The following FMO5 variants were observed in gnomAD, a reference collection of about 807,000 sequenced individuals.
FMO5 encodes flavin containing dimethylaniline monoxygenase 5, also known as flavin-containing monooxygenase 5.
In FMO5, 51 loss-of-function variants were observed where a neutral mutation model predicts 43.6. The observed-to-expected ratio is 1.17, with a 90% CI of 0.93 to 1.48. The LOEUF is 1.48. FMO5 is among the 40% of genes most tolerant of loss of function. FMO5 has a pLI of 0.00. For missense variants in FMO5, 644 were observed against 643.0 expected (o/e 1.00, Z -0.02); for synonymous variants, 187 against 216.5 (o/e 0.86, Z 1.20).
chr1:147,209,299 G>C (rs1398271689), intron 5 of FMO5, among the ~76,000 whole-genome samples: 1 of 152,014 alleles, frequency 6.6e-6, no homozygotes, highest in Non-Finnish European at 1.5e-5. Context: ...TTAGCCAGGC[G>C]TGGTTGCAGG....
intron 2 of FMO5, among the ~76,000 whole-genome samples, chr1:147,216,852 G>A (rs1378016855): frequency 6.6e-6 from 1 of 152,200 alleles, no homozygotes. Context: ...TCAGAATTCA[G>A]ATGCTCATGC....
At chr1:147,188,345 G>A (rs6690541) in intron 8 of FMO5, among the ~76,000 whole-genome samples, 5,613 of 151,848 alleles carry the variant, frequency 0.037, 146 homozygotes, top group South Asian at 0.095. Context: ...GCAACATGGC[G>A]AAACCCCATC....
Position 147,213,412 on chromosome 1 carries a change from A to G in FMO5, c.383T>C (p.Val128Ala), listed in dbSNP as rs1553924223. 6.2e-7 allele frequency: 1 copy of G among 1,613,614 alleles called. No individual in the cohort carries two copies. The highest frequency in any genetic ancestry group is 1.1e-5 in the South Asian group (1 of 90,970). ...PDFATSGQWE[V>A]VTESEGKKEM... ...CTTTTTCCCTTCAGATTCAGTGACC[A>G]CTTCCCATTGGCCTGAAGTGGCAAA... Residue 128 changes from valine (V) to alanine (A), a missense_variant, in exon 4 of 9, where the codon GTG becomes GCG. Transcript: ENST00000254090.
chr1:147,188,161 A>G (rs1388794413), intron 8 of FMO5, among the ~76,000 whole-genome samples: 2 of 152,198 alleles, frequency 1.3e-5, no homozygotes, highest in Non-Finnish European at 2.9e-5. Flanking sequence ...TTCCCTTATG[A>G]ACAATATGTT....
chr1:147,204,710 C>A lies in FMO5; in HGVS notation c.831-3206G>T, dbSNP rs145070243. ...GCAGCAGGATGCTGTACTTCTAGTT[C>A]TCTTAAAATAGTCGCTGCATCATTT... On this transcript the variant is annotated intron_variant, in intron 6 of 8. Transcript: ENST00000254090. 403 of 1,525,670 alleles carry A rather than the reference C, an allele frequency of 2.6e-4. 2 individuals carry two copies. The East Asian group carries it at 8.7e-3, about 33-fold the overall frequency. The allele number at this position is 1,525,670 out of a possible 1,614,324, so 94.5% of individuals were successfully genotyped here.
At position 147,213,311 on chromosome 1, in the gene FMO5, G is replaced by A. The variant is rs1006691533; in HGVS notation, c.484C>T (p.Pro162Ser). ...TCCTTCCTGGTAAGCTGCTCACCAG[G>A]GAAGCTTTCCAGAGGTAGATGAGCA... Reference protein sequence around the residue: ...TNAHLPLESFPGIEKFKGQYF... With the variant: ...TNAHLPLESFSGIEKFKGQYF... Residue 162 changes from proline (P) to serine (S), a missense_variant, in exon 4 of 9, where the codon CCT becomes TCT. Transcript: ENST00000254090. The A allele has an allele frequency of 6.2e-7, 1 of 1,603,908 alleles. No homozygotes were observed. Among genetic ancestry groups the A allele is most frequent in the Admixed American group, 1.7e-5 (1 of 59,234 alleles).
At chr1:147,207,224 A>G (rs1486535814) in intron 6 of FMO5, among the ~76,000 whole-genome samples, 3 of 152,190 alleles carry the variant, frequency 2.0e-5, no homozygotes, top group Non-Finnish European at 2.9e-5. Flanking sequence ...AAATGGTTTC[A>G]GAAAAAAATG....
chr1:147,203,783 A>G (rs1659474807), intron 6 of FMO5: 9 of 1,544,546 alleles, frequency 5.8e-6, no homozygotes, highest in Non-Finnish European at 8.0e-6. Flanking sequence ...GTCATCCATC[A>G]GATTGTCTGT....
chr1:147,186,719 G>T lies in FMO5; in HGVS notation c.*181C>A. On this transcript the variant is annotated 3_prime_UTR_variant, in exon 9 of 9. Transcript: ENST00000254090. The stretch of plus-strand genomic sequence containing the variant: ...GACGGATCATGAGTGGAAGGGAGAT[G>T]AGTTAATACAAATGGAAAACAGGTT... 2 of 1,424,746 alleles carry T rather than the reference G, an allele frequency of 1.4e-6. No individual in the cohort carries two copies. The highest frequency in any genetic ancestry group is 1.6e-5 in the South Asian group (1 of 64,376). 88.3% of individuals were successfully genotyped at this position (1,424,746 alleles called of 1,614,324 possible).
intron 6 of FMO5, among the ~76,000 whole-genome samples, chr1:147,202,305 A>C (rs1283174314): frequency 8.4e-5 from 11 of 131,328 alleles, no homozygotes; most frequent in Admixed American, 7.7e-4. Flanking sequence ...CTTTCTAAAA[A>C]GCAGTTCTTT....
chr1:147,216,087 C>A, intron 2 of FMO5, 145 bp from the exon 3 acceptor site: 1 of 594,996 alleles, frequency 1.7e-6, no homozygotes, highest in Non-Finnish European at 2.9e-6. Flanking sequence ...TTATGTAGTC[C>A]CTTCCCCTTG....
intron 3 of FMO5, 124 bp downstream of exon 3, chr1:147,215,630 G>A (rs189594206): frequency 2.6e-5 from 17 of 648,508 alleles, no homozygotes; most frequent in Middle Eastern, 3.3e-4. Flanking sequence ...GTTTTTGCCT[G>A]GGTAGGATAA....
chr1:147,226,643 G>A (rs1664001808), upstream of FMO5, among the ~76,000 whole-genome samples: 1 of 152,144 alleles, frequency 6.6e-6, no homozygotes, highest in Non-Finnish European at 1.5e-5. Flanking sequence ...GGCATGGATT[G>A]TGGCTCATGC....
chr1:147,197,271 T>C (rs758409990), intron 7 of FMO5, among the ~76,000 whole-genome samples: 2 of 152,184 alleles, frequency 1.3e-5, no homozygotes, highest in African/African-American at 2.4e-5. Context: ...TAAATTCCTA[T>C]GTAGTTGTAG....
intron 3 of FMO5, 96 bp downstream of exon 3, chr1:147,215,658 G>T: frequency 1.1e-6 from 1 of 882,912 alleles, no homozygotes; most frequent in Non-Finnish European, 1.8e-6. Context: ...TGCAAATCAA[G>T]CCAATCTTTA....
At chr1:147,211,386 A>G (rs1348772117) in intron 5 of FMO5, 2 of 152,182 alleles carry the variant, frequency 1.3e-5, no homozygotes, top group Non-Finnish European at 2.9e-5. Flanking sequence ...CCTTGTTTAT[A>G]TGATTATTTC....
chr1:147,225,104 G>A (rs1663809867), intron 1 of FMO5, 38 bp from the exon 2 acceptor site: 1 of 1,605,196 alleles, frequency 6.2e-7, no homozygotes, highest in Non-Finnish European at 8.5e-7. Context: ...AGCACACATC[G>A]GTTAACATTT....
intron 7 of FMO5, among the ~76,000 whole-genome samples, chr1:147,193,340 G>A (rs1235633152): frequency 4.6e-5 from 7 of 152,054 alleles, no homozygotes; most frequent in African/African-American, 1.7e-4. Flanking sequence ...GTATTTCTGT[G>A]GGATCGGTGG....
chr1:147,203,948 C>A (rs1553921636), intron 6 of FMO5: 2 of 1,332,020 alleles, frequency 1.5e-6, no homozygotes, highest in African/African-American at 2.9e-5. Flanking sequence ...AGCTGTAGCA[C>A]CAACTGTTTT....
Sources: allele counts gnomAD v4.1 joint callset (sites outside exome capture counted in the v4.1 genomes callset), GRCh38; gene constraint gnomAD v4.1.1; transcripts MANE v1.5; gene names NCBI Gene and HGNC (gene_info 2026-07-23, HGNC 2026-07-21).